CCDC150: variants seen among roughly 807,000 people sequenced by gnomAD.
CCDC150 encodes coiled-coil domain-containing protein 150.
CCDC150 carries 151 observed loss-of-function variants against 156.5 expected under a neutral mutation model. The ratio of observed to expected loss-of-function variants is 0.97; its 90% CI spans 0.85 to 1.10. The LOEUF is 1.10. CCDC150 is among the 50% of genes least tolerant of loss of function. The pLI, the probability that CCDC150 is intolerant of heterozygous loss-of-function variation, is 0.00. For synonymous variants in CCDC150, 452 were observed against 429.4 expected, an observed-to-expected ratio of 1.05 and a Z score of -0.65; for missense variants, 1,312 against 1,268.1, an observed-to-expected ratio of 1.03 and a Z score of -0.53.
chr2:196,678,335 A>T (rs574180307), intron 13 of CCDC150, among the ~76,000 whole-genome samples: 7 of 152,304 alleles, frequency 4.6e-5, no homozygotes, highest in African/African-American at 1.7e-4. Flanking sequence ...TAGCATTTGT[A>T]TTACCATATA....
chr2:196,684,835 G>A (rs564531591), intron 13 of CCDC150, among the ~76,000 whole-genome samples: 1 of 151,558 alleles, frequency 6.6e-6, no homozygotes, highest in Admixed American at 6.6e-5. Context: ...TGTCTATTTT[G>A]TCTAATATTA....
intron 13 of CCDC150, among the ~76,000 whole-genome samples, chr2:196,680,370 C>G (rs1270391989): frequency 6.6e-6 from 1 of 152,142 alleles, no homozygotes; most frequent in Non-Finnish European, 1.5e-5. Context: ...AATCACAGCT[C>G]ACTGCAGCCT....
intron 5 of CCDC150, among the ~76,000 whole-genome samples, chr2:196,659,418 A>C (rs1693423610): frequency 2.0e-5 from 3 of 152,318 alleles, no homozygotes; most frequent in Admixed American, 1.3e-4. Flanking sequence ...AGTATTAATA[A>C]TTGATGTTAG....
Position 196,656,709 on chromosome 2 carries a change from A to C in CCDC150, c.253A>C (p.Ile85Leu). 6.2e-7 allele frequency: 1 copy of C among 1,613,812 alleles called. No homozygotes were observed. The highest frequency in any genetic ancestry group is 1.7e-5 in the Admixed American group (1 of 59,990). The change falls in exon 3 of 28, where the codon ATT becomes CTT. Residue 85 changes from isoleucine (I) to leucine (L), a missense_variant. Ile to Leu is a conservative substitution (Grantham distance 5). Coordinates refer to ENST00000389175, the MANE Select transcript of CCDC150 (RefSeq NM_001080539.2). ...KVISPIQNEA[I>L]CAGKTDILWK... ...CATTAGTCCTATCCAAAATGAAGCA[A>C]TTTGTGCAGGAAAAACAGATATTTT...
At chr2:196,665,523 A>G (rs1559224847) in intron 5 of CCDC150, 44 bp from the exon 6 acceptor site, 3 of 1,143,512 alleles carry the variant, frequency 2.6e-6, no homozygotes, top group Middle Eastern at 2.0e-4. Flanking sequence ...TTGTTAAACT[A>G]GTATGATCAA....
Position 196,656,810 on chromosome 2 carries a change from C to G in CCDC150, c.354C>G (p.Ile118Met), listed in dbSNP as rs267599147. The G allele has an allele frequency of 3.3e-5, 53 of 1,613,776 alleles. No homozygotes were observed. Among genetic ancestry groups the G allele is most frequent in the Non-Finnish European group, 1.9e-5 (23 of 1,179,852 alleles). ...ESLMQSLKMN[I>M]FRLQTEKDLN... is the part of the protein sequence containing the mutation. The stretch of plus-strand genomic sequence containing the variant: ...TCATGCAGTCCTTGAAGATGAACAT[C>G]TTTCGGCTGCAAACTGAAAAGGATT... The change falls in exon 3 of 28, where the codon ATC becomes ATG. Residue 118 changes from isoleucine (I) to methionine (M), a missense_variant. Transcript: ENST00000389175.
chr2:196,658,909 G>T, intron 5 of CCDC150, 49 bp downstream of exon 5: 2 of 1,247,056 alleles, frequency 1.6e-6, no homozygotes, highest in South Asian at 1.3e-5. Flanking sequence ...TTGCAGAGGG[G>T]AAATCAAGAA....
Position 196,668,829 on chromosome 2 carries a change from A to G in CCDC150, c.893-1004A>G, listed in dbSNP as rs184388581. 3.2e-3 allele frequency among the ~76,000 whole-genome samples: 486 copies of G among 152,294 alleles called. 4 individuals carry two copies. Among genetic ancestry groups the G allele is most frequent in the South Asian group, 0.011 (55 of 4,826 alleles). ...GAATTTTCCCGAAGTCATATAGTTC[A>G]TCTTTTTTACCCTTCATGTATTTTA... On this transcript the variant is annotated intron_variant, in intron 7 of 27. Coordinates refer to ENST00000389175, the MANE Select transcript of CCDC150 (RefSeq NM_001080539.2).
At chr2:196,715,661 T>A (rs773292422) in intron 17 of CCDC150, among the ~76,000 whole-genome samples, 3 of 152,182 alleles carry the variant, frequency 2.0e-5, no homozygotes, top group East Asian at 1.9e-4. Context: ...GATATCCATA[T>A]GCAAAAACAA....
At chr2:196,693,572 C>A (rs145629835) in intron 13 of CCDC150, among the ~76,000 whole-genome samples, 91 of 152,296 alleles carry the variant, frequency 6.0e-4, no homozygotes, top group African/African-American at 2.0e-3. Flanking sequence ...CCTTTTTAGA[C>A]AATCATATGT....
chr2:196,646,824 AAAG>A (rs1253569869), intron 2 of CCDC150, among the ~76,000 whole-genome samples: 2 of 83,782 alleles, frequency 2.4e-5, no homozygotes, highest in Non-Finnish European at 5.7e-5. Flanking sequence ...TTTAAAATAA[AAAG>A]AGACATATTA....
chr2:196,709,300 A>G (rs893229327), intron 15 of CCDC150, among the ~76,000 whole-genome samples: 1 of 152,126 alleles, frequency 6.6e-6, no homozygotes, highest in African/African-American at 2.4e-5. Flanking sequence ...CGAATTGGCT[A>G]TTGAAGCTTG....
At chr2:196,692,291 C>T (rs1197102721) in intron 13 of CCDC150, among the ~76,000 whole-genome samples, 4 of 150,842 alleles carry the variant, frequency 2.7e-5, no homozygotes, top group Non-Finnish European at 4.4e-5. Flanking sequence ...CCCGCCACCG[C>T]GCCCGGCTAA....
chr2:196,646,349 G>A lies in CCDC150; in HGVS notation c.21G>A (p.Met7Ile), dbSNP rs1692539096. 1.2e-6 allele frequency: 2 copies of A among 1,613,518 alleles called. No homozygotes were observed. Among genetic ancestry groups the A allele is most frequent in the African/African-American group, 1.3e-5 (1 of 74,908 alleles). ...TGTGACTGTATTCTTAGGTACATAT[G>A]GAAACTACAGTGTCCAGACCGGTCC... is the stretch of plus-strand genomic sequence containing the variant. MDCKVH[M>I]ETTVSRPVLS... Residue 7 changes from methionine (M) to isoleucine (I), a missense_variant, in exon 2 of 28, where the codon ATG (methionine) becomes ATA (isoleucine). Met to Ile is a conservative substitution (Grantham distance 10, BLOSUM62 1). Coordinates refer to ENST00000389175, the MANE Select transcript of CCDC150 (RefSeq NM_001080539.2).
intron 8 of CCDC150, 35 bp from the exon 9 acceptor site, chr2:196,672,310 A>G (rs1351837307): frequency 2.7e-6 from 3 of 1,130,850 alleles, no homozygotes; most frequent in East Asian, 2.8e-5. Flanking sequence ...AGTATCTCTT[A>G]TATGTGAAAA....
At chr2:196,677,262 A>G (rs780223792) in intron 12 of CCDC150, 31 bp from the exon 13 acceptor site, 9 of 1,462,992 alleles carry the variant, frequency 6.2e-6, no homozygotes, top group Non-Finnish European at 8.5e-6. Flanking sequence ...AAATTGACCT[A>G]TTCCTTTTTT....
intron 5 of CCDC150, among the ~76,000 whole-genome samples, chr2:196,664,096 A>G (rs1693707450): frequency 6.6e-6 from 1 of 152,152 alleles, no homozygotes; most frequent in East Asian, 1.9e-4. Flanking sequence ...AAGAAAAAAA[A>G]AAAGTGTGTT....
At chr2:196,661,555 T>C (rs1693558833) in intron 5 of CCDC150, among the ~76,000 whole-genome samples, 1 of 152,196 alleles carries the variant, frequency 6.6e-6, no homozygotes, top group Non-Finnish European at 1.5e-5. Flanking sequence ...AAATAGAGTC[T>C]CATTGTGAGG....
chr2:196,693,926 G>A (rs780453204), intron 13 of CCDC150, among the ~76,000 whole-genome samples: 10 of 151,934 alleles, frequency 6.6e-5, no homozygotes, highest in Non-Finnish European at 1.3e-4. Flanking sequence ...CTATTGAAAC[G>A]GTGTATTATA....
Sources: allele counts gnomAD v4.1 joint callset (sites outside exome capture counted in the v4.1 genomes callset), GRCh38; gene constraint gnomAD v4.1.1; transcripts MANE v1.5; gene names NCBI Gene and HGNC (gene_info 2026-07-23, HGNC 2026-07-21).